TENM3: variants seen among roughly 807,000 people sequenced by gnomAD.
The protein encoded by TENM3 is teneurin transmembrane protein 3.
In TENM3, 63 loss-of-function variants were observed where a neutral mutation model predicts 255.1. The observed-to-expected ratio is 0.25, with a 90% CI of 0.20 to 0.30. TENM3 has a LOEUF of 0.30. Ranked by LOEUF, TENM3 falls within the 10% of genes least tolerant of loss-of-function variation. The pLI, the probability that TENM3 is intolerant of heterozygous loss-of-function variation, is 1.00. For missense variants in TENM3, 2,929 were observed against 3,461.1 expected (o/e 0.85, Z 3.86); for synonymous variants, 1,306 against 1,322.3 (o/e 0.99, Z 0.27).
chr4:182,155,475 T>A (rs1750642578), intron 1 of TENM3, among the ~76,000 whole-genome samples: 1 of 152,130 alleles, frequency 6.6e-6, no homozygotes, highest in Admixed American at 6.5e-5. Flanking sequence ...AATTATTTTC[T>A]GTTCTTCAGT....
chr4:182,066,444 G>A, the TENM3 span, among the ~76,000 whole-genome samples: 1 of 152,006 alleles, frequency 6.6e-6, no homozygotes, highest in East Asian at 1.9e-4. Context: ...CAATGGTCTG[G>A]GTTCCGCCAC....
At chr4:182,694,462 T>C (rs1191456992) in intron 12 of TENM3, among the ~76,000 whole-genome samples, 2 of 152,164 alleles carry the variant, frequency 1.3e-5, no homozygotes, top group East Asian at 3.9e-4. Context: ...TGGAGGATAT[T>C]GATGTATTTT....
chr4:182,329,778 AT>A (rs1763635671), intron 2 of TENM3, among the ~76,000 whole-genome samples: 3 of 152,224 alleles, frequency 2.0e-5, no homozygotes, highest in Admixed American at 6.5e-5. Context: ...ATGGCAGCAG[AT>A]TAGTTGAAGA....
the TENM3 span, among the ~76,000 whole-genome samples, chr4:181,721,599 CAAAAAA>C: frequency 2.0e-4 from 5 of 25,584 alleles, no homozygotes; most frequent in East Asian, 7.2e-3. Context: ...GACTCCGTCT[CAAAAAA>C]AAAAAAAAAA....
At chr4:182,201,711 C>G (rs1754197440) in intron 1 of TENM3, among the ~76,000 whole-genome samples, 1 of 152,066 alleles carries the variant, frequency 6.6e-6, no homozygotes, top group African/African-American at 2.4e-5. Flanking sequence ...TGGAAGCCCC[C>G]CTTAGGTTAG....
the TENM3 span, among the ~76,000 whole-genome samples, chr4:181,936,613 T>A: frequency 6.6e-6 from 1 of 152,056 alleles, no homozygotes; most frequent in Non-Finnish European, 1.5e-5. Flanking sequence ...TTTGTCACCA[T>A]GAGTAATAGT....
chr4:182,603,765 T>TTG, intron 4 of TENM3, among the ~76,000 whole-genome samples: 1 of 95,504 alleles, frequency 1.0e-5, no homozygotes, highest in East Asian at 5.7e-4. Context: ...TGGCAATTAT[T>TTG]TATATATATA....
the TENM3 span, among the ~76,000 whole-genome samples, chr4:181,503,946 GT>G: frequency 6.6e-6 from 1 of 152,140 alleles, no homozygotes; most frequent in Non-Finnish European, 1.5e-5. Context: ...GTAGTATGCT[GT>G]TTATTTCTTA....
chr4:181,486,242 G>C, the TENM3 span, among the ~76,000 whole-genome samples: 1 of 152,138 alleles, frequency 6.6e-6, no homozygotes. Context: ...TTTAATGCTT[G>C]CTCTGATGAA....
At chr4:181,673,835 A>G in the TENM3 span, among the ~76,000 whole-genome samples, 1 of 148,094 alleles carries the variant, frequency 6.8e-6, no homozygotes, top group Non-Finnish European at 1.5e-5. Flanking sequence ...TTGGAAAGTC[A>G]GAAGTGTGTG....
the TENM3 span, among the ~76,000 whole-genome samples, chr4:181,514,209 A>T: frequency 6.6e-6 from 1 of 152,136 alleles, no homozygotes; most frequent in South Asian, 2.1e-4. Flanking sequence ...CCTTTCCACA[A>T]CAGTGTTATG....
chr4:181,582,021 CTG>C, the TENM3 span, among the ~76,000 whole-genome samples: 1 of 152,236 alleles, frequency 6.6e-6, no homozygotes, highest in African/African-American at 2.4e-5. Context: ...GCATGAGACA[CTG>C]TGCCTGGCCC....
the TENM3 span, among the ~76,000 whole-genome samples, chr4:181,506,291 A>G: frequency 5.3e-5 from 8 of 151,908 alleles, no homozygotes; most frequent in Non-Finnish European, 7.4e-5. Context: ...AATCATTCTT[A>G]TTTCTTAGAA....
the TENM3 span, among the ~76,000 whole-genome samples, chr4:181,791,173 T>C: frequency 6.6e-6 from 1 of 152,232 alleles, no homozygotes; most frequent in South Asian, 2.1e-4. Context: ...GACCAGGCGA[T>C]GTCTTCACGA....
the TENM3 span, among the ~76,000 whole-genome samples, chr4:181,496,911 T>TC: frequency 2.6e-5 from 3 of 116,748 alleles, no homozygotes; most frequent in Non-Finnish European, 4.5e-5. Context: ...ATTTTCTAGC[T>TC]CCCTATACAC....
At chr4:182,316,130 C>T (rs1179892053) in intron 1 of TENM3, among the ~76,000 whole-genome samples, 1 of 152,062 alleles carries the variant, frequency 6.6e-6, no homozygotes. Flanking sequence ...GGATGTCAAC[C>T]ATGGTGGATT....
rs115047489 is a variant in TENM3, at chr4:182,771,155, A to G, written c.4893-2317A>G. ...GAATGCCTGCCCAGCAGGGAATGGA[A>G]TGTGTGGTAAGCCAATGAAAGAGCA... On this transcript the variant is annotated intron_variant, in intron 22 of 27. Coordinates refer to ENST00000511685, the MANE Select transcript of TENM3 (RefSeq NM_001080477.4). 4.4e-3 allele frequency among the ~76,000 whole-genome samples: 670 copies of G among 152,336 alleles called. 4 individuals are homozygous for G. Among genetic ancestry groups the G allele is most frequent in the African/African-American group, 0.015 (633 of 41,578 alleles).
chr4:181,927,367 G>A, the TENM3 span, among the ~76,000 whole-genome samples: 9 of 152,226 alleles, frequency 5.9e-5, no homozygotes, highest in Non-Finnish European at 1.0e-4. Context: ...TGGGGCCTGA[G>A]TAGGTGTTTT....
intron 13 of TENM3, among the ~76,000 whole-genome samples, chr4:182,720,752 TAA>T (rs1024222803): frequency 6.8e-6 from 1 of 147,608 alleles, no homozygotes; most frequent in Non-Finnish European, 1.5e-5. Context: ...GGGTTGGTAC[TAA>T]AAGTCTCCCC....
Sources: allele counts gnomAD v4.1 joint callset (sites outside exome capture counted in the v4.1 genomes callset), GRCh38; gene constraint gnomAD v4.1.1; transcripts MANE v1.5; gene names NCBI Gene and HGNC (gene_info 2026-07-23, HGNC 2026-07-21).